ITGA2: variants seen among roughly 807,000 people sequenced by gnomAD.
ITGA2 encodes the protein integrin subunit alpha 2.
In ITGA2, 101 loss-of-function variants were observed where a neutral mutation model predicts 146.3. The observed-to-expected ratio is 0.69, with a 90% CI of 0.59 to 0.81. ITGA2 has a LOEUF of 0.81. Among genes scored for constraint, ITGA2 ranks in the 40% least tolerant of loss-of-function variants. ITGA2 has a pLI of 0.00. For missense variants in ITGA2, 1,281 were observed against 1,402.7 expected (o/e 0.91, Z 1.39); for synonymous variants, 477 against 487.1 (o/e 0.98, Z 0.27).
chr5:53,038,075 G>C (rs1743575693), intron 2 of ITGA2, among the ~76,000 whole-genome samples: 1 of 152,086 alleles, frequency 6.6e-6, no homozygotes, highest in African/African-American at 2.4e-5. Flanking sequence ...ATCAAATCCT[G>C]AATTCTTAGA....
At chr5:53,072,308 A>G (rs1316280040) in intron 18 of ITGA2, among the ~76,000 whole-genome samples, 6 of 151,924 alleles carry the variant, frequency 3.9e-5, no homozygotes, top group African/African-American at 1.2e-4. Context: ...TTTGTTGAAT[A>G]AATAAATAAA....
At chr5:53,068,871 GAA>G (rs576141306) in intron 16 of ITGA2, among the ~76,000 whole-genome samples, 1 of 147,116 alleles carries the variant, frequency 6.8e-6, no homozygotes, top group Non-Finnish European at 1.5e-5. Flanking sequence ...AAAGCTGCTT[GAA>G]AAAAAAAGGA....
chr5:52,999,198 A>G (rs1741448009), intron 1 of ITGA2, among the ~76,000 whole-genome samples: 1 of 152,134 alleles, frequency 6.6e-6, no homozygotes. Context: ...CACCGAATAC[A>G]TTCTTTAAGA....
At chr5:53,043,210 A>G (rs1292085030) in intron 3 of ITGA2, among the ~76,000 whole-genome samples, 1 of 151,732 alleles carries the variant, frequency 6.6e-6, no homozygotes, top group Non-Finnish European at 1.5e-5. Flanking sequence ...ATATATATAT[A>G]TATTTCTAAT....
At chr5:53,058,716 A>G (rs1240101725) in intron 10 of ITGA2, among the ~76,000 whole-genome samples, 1 of 151,934 alleles carries the variant, frequency 6.6e-6, no homozygotes, top group Non-Finnish European at 1.5e-5. Context: ...GAATTATTTA[A>G]GGAACAGTAG....
intron 1 of ITGA2, 65 bp from the exon 2 acceptor site, chr5:53,026,683 G>A: frequency 6.9e-7 from 1 of 1,451,170 alleles, no homozygotes; most frequent in South Asian, 1.2e-5. Context: ...TGGCCTTTGA[G>A]AATTATACGA....
chr5:53,050,965 A>G (rs750336609), intron 6 of ITGA2, among the ~76,000 whole-genome samples: 8 of 152,182 alleles, frequency 5.3e-5, no homozygotes, highest in Non-Finnish European at 7.3e-5. Context: ...CTAATTATTT[A>G]TTACACAGTT....
intron 2 of ITGA2, among the ~76,000 whole-genome samples, chr5:53,035,791 C>A (rs1006907039): frequency 1.3e-5 from 2 of 152,022 alleles, no homozygotes; most frequent in Admixed American, 1.3e-4. Context: ...ATATAAGAAA[C>A]AATATTTATA....
intron 10 of ITGA2, among the ~76,000 whole-genome samples, 158 bp from the exon 11 acceptor site, chr5:53,059,716 A>G (rs1191729049): frequency 6.6e-6 from 1 of 151,972 alleles, no homozygotes; most frequent in Non-Finnish European, 1.5e-5. Context: ...TCTAGCACAA[A>G]TATATTAAGA....
intron 29 of ITGA2, 122 bp from the exon 30 acceptor site, chr5:53,090,397 C>G (rs1740353224): frequency 1.2e-6 from 1 of 808,928 alleles, no homozygotes; most frequent in Non-Finnish European, 2.2e-6. Flanking sequence ...GTCTGCACAC[C>G]TCCCTTCAGA....
chr5:53,075,225 A>C lies in ITGA2; in HGVS notation c.2746A>C (p.Ser916Arg), dbSNP rs1745605823. ...ASLSFQALSE[S>R]QEENKADNLV... Reference sequence around the variant, plus strand: ...TCCTAATGTTTCTTTCTATAGTGAAAGCCAAGAAGAAAACAAGGCTGATAA... The same window carrying C: ...TCCTAATGTTTCTTTCTATAGTGAACGCCAAGAAGAAAACAAGGCTGATAA... The change falls in exon 23 of 30, where the codon AGC becomes CGC. Residue 916 changes from serine (S) to arginine (R), a missense_variant. By Grantham distance (110) the Ser-to-Arg change is moderately radical. Coordinates refer to ENST00000296585, the MANE Select transcript of ITGA2 (RefSeq NM_002203.4). 1 of 1,612,458 alleles carries C rather than the reference A, an allele frequency of 6.2e-7. No individual in the cohort carries two copies. The highest frequency in any genetic ancestry group is 8.5e-7 in the Non-Finnish European group (1 of 1,179,134).
chr5:53,054,798 G>A (rs1316626306), intron 7 of ITGA2, among the ~76,000 whole-genome samples: 1 of 152,066 alleles, frequency 6.6e-6, no homozygotes, highest in African/African-American at 2.4e-5. Context: ...ATGGTGGGAA[G>A]CGGGTGAGGG....
chr5:52,992,653 G>A lies in ITGA2; in HGVS notation c.64+3121G>A, dbSNP rs1007140107. Reference sequence around the variant, plus strand: ...CCACCCAGTCAGTCCCTCATCTTATGTCTGTATGTAACTTTTAAACTGGAT... The same window carrying A: ...CCACCCAGTCAGTCCCTCATCTTATATCTGTATGTAACTTTTAAACTGGAT... On this transcript the variant is annotated intron_variant, in intron 1 of 29. Transcript: ENST00000296585. 4.6e-5 allele frequency among the ~76,000 whole-genome samples: 7 copies of A among 152,210 alleles called. No homozygotes were observed. The East Asian group carries it at 1.4e-3, about 29-fold the overall frequency.
intron 2 of ITGA2, among the ~76,000 whole-genome samples, chr5:53,039,474 C>T (rs956285402): frequency 6.6e-6 from 1 of 151,954 alleles, no homozygotes; most frequent in Non-Finnish European, 1.5e-5. Flanking sequence ...ACATGCTCCC[C>T]AGAAGAACAG....
In ITGA2 at chr5:53,090,045, G is replaced by A; in HGVS notation, c.3448G>A (p.Val1150Ile). The A allele has an allele frequency of 6.2e-7, 1 of 1,607,208 alleles. No individual in the cohort carries two copies. Among genetic ancestry groups the A allele is most frequent in the South Asian group, 1.1e-5 (1 of 90,960 alleles). ...TGGAATCCTTTTGCTGTTAGCTCTG[G>A]TTGCAATTTTATGGAAGGTAAGAAA... ...IAGILLLLAL[V>I]AILWKLGFFK... Residue 1150 changes from valine to isoleucine, a missense_variant, in exon 29 of 30, where the codon GTT becomes ATT. Physicochemically the swap from Val to Ile is conservative, Grantham distance 29. Around this residue, in one of 3 missense-constraint regions of ITGA2, gnomAD observed 475 missense variants for 530.5 expected, o/e 0.90. Coordinates refer to ENST00000296585, the MANE Select transcript of ITGA2 (RefSeq NM_002203.4).
Position 53,053,048 on chromosome 5 carries a change from TTGC to T in ITGA2, c.779+1490_779+1492del, listed in dbSNP as rs1744456831. ...CTTTTCCCTACCACTCCTCATGAAC[TTGC>T]CATTTTGATTCATGCCACTGTCTCT... On this transcript the variant is annotated intron_variant, in intron 7 of 29. Coordinates refer to ENST00000296585, the MANE Select transcript of ITGA2 (RefSeq NM_002203.4). 2.6e-5 allele frequency among the ~76,000 whole-genome samples: 4 copies of T among 152,186 alleles called. No individual in the cohort carries two copies. In the East Asian group the frequency reaches 7.7e-4, roughly 29 times the overall value.
In ITGA2 at chr5:53,060,925, C is replaced by T. The variant is rs1469649875; in HGVS notation, c.1337C>T (p.Thr446Ile). ...GGTTACTCTGTGGCTGCAATTTCTA[C>T]TGGAGAAAGCACTCACTTTGTTGCT... is the stretch of plus-strand genomic sequence containing the variant. ...YLGYSVAAIS[T>I]GESTHFVAGA... is the part of the protein sequence containing the mutation. Residue 446 changes from threonine to isoleucine, a missense_variant, in exon 12 of 30, where the codon ACT becomes ATT. Thr to Ile is a moderately conservative substitution (Grantham distance 89). Around this residue, in one of 3 missense-constraint regions of ITGA2, gnomAD observed 795 missense variants for 841.7 expected, o/e 0.94. Transcript: ENST00000296585. 6.2e-7 allele frequency: 1 copy of T among 1,612,358 alleles called. No homozygotes were observed.
At chr5:53,074,629 C>T (rs990077229) in intron 21 of ITGA2, 152 bp downstream of exon 21, 3 of 700,898 alleles carry the variant, frequency 4.3e-6, no homozygotes, top group African/African-American at 3.6e-5. Context: ...TAAATGTTTT[C>T]TTTAAATTAT....
intron 1 of ITGA2, among the ~76,000 whole-genome samples, chr5:52,993,655 A>C (rs1339980531): frequency 6.6e-6 from 1 of 152,210 alleles, no homozygotes; most frequent in Non-Finnish European, 1.5e-5. Context: ...AAGCTTGTTA[A>C]TGTAAAGAGA....
Sources: allele counts gnomAD v4.1 joint callset (sites outside exome capture counted in the v4.1 genomes callset), GRCh38; gene constraint gnomAD v4.1.1; regional missense constraint gnomAD v4.1.1; transcripts MANE v1.5; gene names NCBI Gene and HGNC (gene_info 2026-07-23, HGNC 2026-07-21).